DEAF1: variants seen among roughly 807,000 people sequenced by gnomAD.
The protein encoded by DEAF1 is DEAF1 transcription factor.
A neutral mutation model predicts 58.9 loss-of-function variants in DEAF1; 53 were observed. The ratio of observed to expected loss-of-function variants is 0.90; its 90% CI spans 0.72 to 1.13. The LOEUF (loss-of-function observed/expected upper bound fraction) is 1.13. DEAF1 is among the 50% of genes most tolerant of loss of function. The pLI is 0.00. For missense variants in DEAF1, 685 were observed against 791.4 expected (o/e 0.87, Z 1.61); for synonymous variants, 385 against 340.4 (o/e 1.13, Z -1.44).
Position 695,089 on chromosome 11 carries a change from G to T in DEAF1, c.-42C>A. ...CTTCCCGAAGGCGCCGTCCGGGACC[G>T]CCCGAAGCGCCGGTCGCGGAGCCCG... On this transcript the variant is annotated 5_prime_UTR_variant, in exon 1 of 12. Coordinates refer to ENST00000382409, the MANE Select transcript of DEAF1 (RefSeq NM_021008.4). 7.1e-7 allele frequency: 1 copy of T among 1,405,532 alleles called. No individual in the cohort carries two copies. Among genetic ancestry groups the T allele is most frequent in the Non-Finnish European group, 9.2e-7 (1 of 1,081,916 alleles). 87.1% of individuals were successfully genotyped at this position (1,405,532 alleles called of 1,614,324 possible).
chr11:700,983 GAA>G (rs56315284), intron 1 of DEAF1: 416,528 of 506,822 alleles, frequency 0.82, 171,955 homozygotes, highest in Non-Finnish European at 0.85. Flanking sequence ...ACTGAGATCA[GAA>G]AAGCCCAGCC....
Position 694,985 on chromosome 11 carries a change from G to GA in DEAF1, c.62_63insT (p.Ala22ArgfsTer111). ...CGGCCGCCGCCGCCACAGCGGCCGC[G>GA]GCCGCCACCGCCGCCGCCTCAGCCA... On this transcript the variant is annotated frameshift_variant, in exon 1 of 12. Transcript: ENST00000382409. LOFTEE classifies it high-confidence loss of function. The GA allele has an allele frequency of 8.7e-7, 1 of 1,144,996 alleles. No individual in the cohort carries two copies. The highest frequency in any genetic ancestry group is 1.1e-6 in the Non-Finnish European group (1 of 932,086). The allele number at this position is 1,144,996 out of a possible 1,614,324, so 70.9% of individuals were successfully genotyped here.
At chr11:696,806 G>T (rs1213687722), upstream of DEAF1, among the ~76,000 whole-genome samples, 1 of 149,136 alleles carries the variant, frequency 6.7e-6, no homozygotes, top group Non-Finnish European at 1.5e-5. Flanking sequence ...AAGGCCAGGC[G>T]CAGTAGCTCA....
intron 1 of DEAF1, chr11:703,457 T>C: frequency 7.9e-7 from 1 of 1,269,832 alleles, no homozygotes; most frequent in Non-Finnish European, 9.9e-7. Context: ...CAGCCAGGCC[T>C]CCACAGACCC....
Position 680,303 on chromosome 11 carries a change from C to T in DEAF1, c.998-487G>A, listed in dbSNP as rs1367316999. ...GTGGGACTCTTCCTGCACCCACCAC[C>T]CAGGGCCTCAGGAAGGAGCTGACAG... On this transcript the variant is annotated intron_variant, in intron 7 of 11. Coordinates refer to ENST00000382409, the MANE Select transcript of DEAF1 (RefSeq NM_021008.4). Among the ~76,000 whole-genome samples the T allele has an allele frequency of 2.6e-5, 4 of 152,194 alleles. No individual in the cohort carries two copies. The South Asian group carries it at 6.2e-4, about 24-fold the overall frequency.
At chr11:703,465 C>T in intron 1 of DEAF1, 4 of 1,262,716 alleles carry the variant, frequency 3.2e-6, no homozygotes, top group Non-Finnish European at 4.0e-6. Flanking sequence ...CCTCCACAGA[C>T]CCCCATGGGC....
chr11:660,404 C>A (rs1266939838), intron 10 of DEAF1, among the ~76,000 whole-genome samples: 1 of 152,222 alleles, frequency 6.6e-6, no homozygotes, highest in East Asian at 1.9e-4. Flanking sequence ...CAGGCAGGGT[C>A]CCCCTGAAGT....
chr11:695,588 G>T, upstream of DEAF1: 1 of 1,241,366 alleles, frequency 8.1e-7, no homozygotes. Flanking sequence ...GCCGAGACGA[G>T]CCGAATGTCC....
chr11:667,622 A>G (rs1324309520), intron 10 of DEAF1, among the ~76,000 whole-genome samples: 3 of 151,634 alleles, frequency 2.0e-5, no homozygotes, highest in Non-Finnish European at 2.9e-5. Flanking sequence ...TCTGGCCAAC[A>G]TGGCAAAACC....
At chr11:679,570 G>T in intron 8 of DEAF1, 118 bp downstream of exon 8, 2 of 1,516,512 alleles carry the variant, frequency 1.3e-6, no homozygotes, top group Non-Finnish European at 1.8e-6. Flanking sequence ...CAAACGCCTG[G>T]TTCAAGGCCC....
chr11:668,206 AAAACAGAG>A (rs527783379), intron 10 of DEAF1, among the ~76,000 whole-genome samples: 48 of 152,336 alleles, frequency 3.2e-4, no homozygotes, highest in Non-Finnish European at 6.0e-4. Context: ...ATTACAGACA[AAAACAGAG>A]AATTCATGGC....
intron 1 of DEAF1, among the ~76,000 whole-genome samples, chr11:693,871 G>A (rs758244059): frequency 6.6e-6 from 1 of 152,230 alleles, no homozygotes; most frequent in Non-Finnish European, 1.5e-5. Flanking sequence ...AAGGAAGCCC[G>A]ACAGGAAGCG....
In DEAF1 at chr11:688,367, T is replaced by G. The variant is rs1590018137; in HGVS notation, c.481A>C (p.Thr161Pro). The G allele has an allele frequency of 6.2e-7, 1 of 1,613,864 alleles. No homozygotes were observed. The highest frequency in any genetic ancestry group is 8.5e-7 in the Non-Finnish European group (1 of 1,180,028). ...GGAGCTGCCGGGCCTTTCAGCCCGG[T>G]GGTCTCCACGATGCTCCCATCTGTG... ...VHTDGSIVETTGLKGPAAPLT... is the reference protein window; with the variant it reads ...VHTDGSIVETPGLKGPAAPLT... Residue 161 changes from threonine (T) to proline (P), a missense_variant, in exon 3 of 12, where the codon ACC (threonine) becomes CCC (proline). Physicochemically the swap from Thr to Pro is conservative, Grantham distance 38. Transcript: ENST00000382409. The surrounding 1 kb of genome is among the most constrained non-coding windows in gnomAD (Gnocchi z 4.3).
rs1190866615 is a variant in DEAF1 at position 680,943 on chromosome 11, CTG to C, written c.997+18_997+19del. The C allele has an allele frequency of 6.8e-6, 11 of 1,614,018 alleles. No homozygotes were observed. The African/African-American group carries it at 1.1e-4, about 16-fold the overall frequency. The stretch of plus-strand genomic sequence containing the variant: ...CTCAGGTCCCCTCAGTAAACTAGAG[CTG>C]TGTTTTCTCAAACTCACAGGTGGTA... On this transcript the variant is annotated intron_variant, in intron 7 of 11. Transcript: ENST00000382409.
At chr11:703,198 G>A in intron 1 of DEAF1, 4 of 1,545,702 alleles carry the variant, frequency 2.6e-6, no homozygotes, top group South Asian at 1.2e-5. Context: ...TCCTGGGCCT[G>A]ACCAGTCCCC....
upstream of DEAF1, chr11:698,903 G>A (rs1164622529): frequency 6.2e-7 from 1 of 1,614,032 alleles, no homozygotes; most frequent in Non-Finnish European, 8.5e-7. Context: ...CCTGCTGCGT[G>A]CCCCTCCAGG....
At chr11:650,415 A>G (rs1186449286) in intron 11 of DEAF1, among the ~76,000 whole-genome samples, 1 of 150,764 alleles carries the variant, frequency 6.6e-6, no homozygotes, top group Non-Finnish European at 1.5e-5. Flanking sequence ...AGACTATCAG[A>G]CTAGATTAAA....
In DEAF1 at chr11:644,992, G is replaced by A. The variant is rs1013829122; in HGVS notation, c.1594-338C>T. Among the ~76,000 whole-genome samples the A allele has an allele frequency of 2.6e-5, 4 of 151,904 alleles. No homozygotes were observed. The highest frequency in any genetic ancestry group is 1.3e-4 in the Admixed American group (2 of 15,238). The stretch of plus-strand genomic sequence containing the variant: ...AGCCTGGCCAACATGGTGAAACCCC[G>A]TATCTACTAAAAATACAAAAATTAG... On this transcript the variant is annotated intron_variant, in intron 11 of 11. Coordinates refer to ENST00000382409, the MANE Select transcript of DEAF1 (RefSeq NM_021008.4). This position sits in a 1 kb window ranked among gnomAD's most constrained non-coding sequence, Gnocchi z 4.3.
intron 11 of DEAF1, among the ~76,000 whole-genome samples, chr11:652,846 G>A (rs2133284730): frequency 6.6e-6 from 1 of 152,152 alleles, no homozygotes; most frequent in East Asian, 1.9e-4. Context: ...CACTTTGGGA[G>A]GCCAAGGTGG....
Sources: allele counts gnomAD v4.1 joint callset (sites outside exome capture counted in the v4.1 genomes callset), GRCh38; gene constraint gnomAD v4.1.1; non-coding constraint Gnocchi (gnomAD v3.1); transcripts MANE v1.5; gene names NCBI Gene and HGNC (gene_info 2026-07-23, HGNC 2026-07-21).